The following EXT1 variants were observed in gnomAD, a reference collection of about 807,000 sequenced individuals.
The protein encoded by EXT1 is exostosin glycosyltransferase 1, also known as exostosin-1.
A neutral mutation model predicts 82.5 loss-of-function variants in EXT1; 20 were observed. That is an observed-to-expected ratio of 0.24 (90% CI 0.17 to 0.35). The LOEUF (loss-of-function observed/expected upper bound fraction) is 0.35. Ranked by LOEUF, EXT1 falls within the 10% of genes least tolerant of loss-of-function variation. The pLI is 1.00. For synonymous variants in EXT1, 348 were observed against 350.8 expected, an observed-to-expected ratio of 0.99 and a Z score of 0.09; for missense variants, 757 against 936.5, an observed-to-expected ratio of 0.81 and a Z score of 2.50.
At chr8:117,832,780 T>C (rs1812123728) in intron 3 of EXT1, among the ~76,000 whole-genome samples, 1 of 152,190 alleles carries the variant, frequency 6.6e-6, no homozygotes, top group South Asian at 2.1e-4. Context: ...CTCCAATTGA[T>C]TGAAAAGACA....
At chr8:117,913,820 T>G (rs4541958) in intron 1 of EXT1, among the ~76,000 whole-genome samples, 37,938 of 152,110 alleles carry the variant, frequency 0.25, 5,462 homozygotes, top group East Asian at 0.36. Flanking sequence ...AATAACAACA[T>G]TGGAAGAATG....
At chr8:117,845,368 C>T (rs990298898) in intron 1 of EXT1, among the ~76,000 whole-genome samples, 1 of 152,126 alleles carries the variant, frequency 6.6e-6, no homozygotes, top group Non-Finnish European at 1.5e-5. Context: ...CTCCACCCCC[C>T]ATCCTTAGGT....
intron 1 of EXT1, among the ~76,000 whole-genome samples, chr8:117,981,576 G>T (rs2129767620): frequency 6.6e-6 from 1 of 152,304 alleles, no homozygotes; most frequent in East Asian, 1.9e-4. Flanking sequence ...AGTACTTTCT[G>T]CTGGGCATGG....
At chr8:117,921,741 C>T (rs1813861022) in intron 1 of EXT1, among the ~76,000 whole-genome samples, 1 of 152,120 alleles carries the variant, frequency 6.6e-6, no homozygotes, top group Non-Finnish European at 1.5e-5. Flanking sequence ...TATACAAATG[C>T]AAATTCTATT....
At chr8:118,098,743 A>T (rs1817664693) in intron 1 of EXT1, among the ~76,000 whole-genome samples, 2 of 137,444 alleles carry the variant, frequency 1.5e-5, no homozygotes, top group Admixed American at 1.6e-4. Context: ...TGGACAATAG[A>T]GCAAGACTCT....
At chr8:118,068,401 G>T (rs1287434619) in intron 1 of EXT1, among the ~76,000 whole-genome samples, 1 of 152,194 alleles carries the variant, frequency 6.6e-6, no homozygotes, top group East Asian at 1.9e-4. Context: ...TGCCATGGTG[G>T]TTTGCTGCAC....
intron 1 of EXT1, among the ~76,000 whole-genome samples, chr8:117,858,797 A>T (rs1306042070): frequency 1.3e-5 from 1 of 78,906 alleles, no homozygotes; most frequent in African/African-American, 6.5e-5. Context: ...AGGCAAGGCA[A>T]GGCAAGGCAA....
chr8:118,006,584 A>G (rs1028230195), intron 1 of EXT1, among the ~76,000 whole-genome samples: 3 of 152,250 alleles, frequency 2.0e-5, no homozygotes, highest in Non-Finnish European at 4.4e-5. Flanking sequence ...TTCAGTGGAA[A>G]GAATATTAGA....
chr8:117,905,998 CT>C (rs1258145561), intron 1 of EXT1, among the ~76,000 whole-genome samples: 3 of 152,294 alleles, frequency 2.0e-5, no homozygotes, highest in Middle Eastern at 3.4e-3. Context: ...GGCTGTGGTA[CT>C]GAGATTTCTT....
intron 1 of EXT1, among the ~76,000 whole-genome samples, chr8:118,065,962 A>T (rs2129952700): frequency 6.6e-6 from 1 of 152,348 alleles, no homozygotes; most frequent in South Asian, 2.1e-4. Flanking sequence ...AGGTGAGAAG[A>T]AACTGGACAC....
chr8:118,100,249 T>A (rs17480438), intron 1 of EXT1, among the ~76,000 whole-genome samples: 2 of 152,236 alleles, frequency 1.3e-5, no homozygotes, highest in East Asian at 3.9e-4. Context: ...TTGTGGTGGG[T>A]CCTGAGAACT....
At position 117,807,286 on chromosome 8, in the gene EXT1, C is replaced by T. The variant is rs755747479; in HGVS notation, c.1814G>A (p.Arg605Gln). 4.3e-6 allele frequency: 7 copies of T among 1,614,160 alleles called. No individual in the cohort carries two copies. The highest frequency in any genetic ancestry group is 2.2e-5 in the East Asian group (1 of 44,874). Reference protein sequence around the residue: ...RSHFWDNSKERWGYTSKWTND... With the variant: ...RSHFWDNSKEQWGYTSKWTND... ...CGTCCACTTTGATGTGTATCCCCAC[C>T]GCTCCTTAGAGTTATCCCAGAAGTG... is the stretch of plus-strand genomic sequence containing the variant. Residue 605 changes from arginine (R) to glutamine (Q), a missense_variant, in exon 9 of 11, where the codon CGG (arginine) becomes CAG (glutamine). By Grantham distance (43) the Arg-to-Gln change is conservative. Coordinates refer to ENST00000378204, the MANE Select transcript of EXT1 (RefSeq NM_000127.3).
At chr8:117,859,322 A>G (rs1812640693) in intron 1 of EXT1, among the ~76,000 whole-genome samples, 2 of 152,224 alleles carry the variant, frequency 1.3e-5, no homozygotes, top group South Asian at 4.1e-4. Context: ...GGCTAAGTGG[A>G]GACTGTAGAA....
At chr8:118,108,045 A>T (rs1023719725) in intron 1 of EXT1, among the ~76,000 whole-genome samples, 1 of 152,234 alleles carries the variant, frequency 6.6e-6, no homozygotes, top group Non-Finnish European at 1.5e-5. Flanking sequence ...TGTGGGTGTC[A>T]TATTTCTTGG....
At chr8:118,061,367 C>G (rs1317244723) in intron 1 of EXT1, among the ~76,000 whole-genome samples, 1 of 152,090 alleles carries the variant, frequency 6.6e-6, no homozygotes, top group Non-Finnish European at 1.5e-5. Flanking sequence ...CAAGAGTCTC[C>G]AAGTTGAGAG....
At chr8:117,825,465 A>AATAC (rs1243802952) in intron 4 of EXT1, among the ~76,000 whole-genome samples, 1 of 152,176 alleles carries the variant, frequency 6.6e-6, no homozygotes, top group Admixed American at 6.5e-5. Context: ...AAACAAAATC[A>AATAC]ATACACACAC....
intron 4 of EXT1, 92 bp downstream of exon 4, chr8:117,830,138 C>T (rs1197187444): frequency 2.8e-5 from 44 of 1,553,564 alleles, no homozygotes; most frequent in Non-Finnish European, 3.7e-5. Context: ...CCCCACTGGA[C>T]CAATCACACA....
chr8:117,995,514 G>C (rs570147016), intron 1 of EXT1, among the ~76,000 whole-genome samples: 216 of 152,170 alleles, frequency 1.4e-3, no homozygotes, highest in African/African-American at 5.0e-3. Flanking sequence ...TGAAGGACGT[G>C]GTTGGCAGGG....
At position 117,830,337 on chromosome 8, in the gene EXT1, T is replaced by C. The variant is rs748083628; in HGVS notation, c.1177A>G (p.Ile393Val). The stretch of plus-strand genomic sequence containing the variant: ...ATTTTATCCTGATGAATAGACCTGA[T>C]TGTAGAAGGAATCTGTAACACAAGG... ...ERLLLQIPSTIRSIHQDKILA... is the reference protein window; with the variant it reads ...ERLLLQIPSTVRSIHQDKILA... Residue 393 changes from isoleucine (I) to valine (V), a missense_variant, in exon 4 of 11, where the codon ATC becomes GTC. Coordinates refer to ENST00000378204, the MANE Select transcript of EXT1 (RefSeq NM_000127.3). 3.1e-6 allele frequency: 5 copies of C among 1,614,032 alleles called. No homozygotes were observed. Among genetic ancestry groups the C allele is most frequent in the Non-Finnish European group, 4.2e-6 (5 of 1,179,960 alleles).
Sources: gnomAD v4.1 joint callset for allele counts (sites outside exome capture counted in the v4.1 genomes callset) on GRCh38, gnomAD v4.1.1 for gene constraint, MANE v1.5 for transcripts, NCBI Gene and HGNC (gene_info 2026-07-23, HGNC 2026-07-21) for gene names.